PPIL1: variants seen among roughly 807,000 people sequenced by gnomAD.
PPIL1 encodes the protein peptidylprolyl isomerase like 1, also known as peptidyl-prolyl cis-trans isomerase-like 1.
In PPIL1, 14 loss-of-function variants were observed where a neutral mutation model predicts 19.4. That is an observed-to-expected ratio of 0.72 (90% CI 0.48 to 1.13). PPIL1 has a LOEUF of 1.13. PPIL1 is among the 50% of genes most tolerant of loss of function. PPIL1 has a pLI of 0.00. For missense variants in PPIL1, 192 were observed against 218.0 expected (o/e 0.88, Z 0.75); for synonymous variants, 72 against 73.6 (o/e 0.98, Z 0.11).
intron 2 of PPIL1, among the ~76,000 whole-genome samples, chr6:36,871,020 G>A (rs1016671917): frequency 9.2e-5 from 14 of 152,148 alleles, no homozygotes; most frequent in Admixed American, 9.2e-4. Context: ...ATAAAACCCA[G>A]TCTCTACCAT....
At chr6:36,862,710 T>C (rs1774315343) in intron 2 of PPIL1, among the ~76,000 whole-genome samples, 1 of 152,212 alleles carries the variant, frequency 6.6e-6, no homozygotes, top group Non-Finnish European at 1.5e-5. Context: ...TCTGGGCTGG[T>C]GAAGAGATGA....
intron 1 of PPIL1, among the ~76,000 whole-genome samples, chr6:36,873,097 C>G (rs78795980): frequency 0.062 from 9,456 of 152,306 alleles, 362 homozygotes; most frequent in Middle Eastern, 0.15. Flanking sequence ...GTGTGGTACT[C>G]TTTCCCTCAT....
At position 36,855,078 on chromosome 6, in the gene PPIL1, T is replaced by C. The variant is rs536865478; in HGVS notation, c.*735A>G. 2.7e-4 allele frequency: 41 copies of C among 152,904 alleles called. No homozygotes were observed. The highest frequency in any genetic ancestry group is 9.9e-4 in the African/African-American group (41 of 41,562). 9.5% of individuals were successfully genotyped at this position (152,904 alleles called of 1,614,324 possible). On this transcript the variant is annotated 3_prime_UTR_variant, in exon 4 of 4. Coordinates refer to ENST00000373699, the MANE Select transcript of PPIL1 (RefSeq NM_016059.5). ...GTCTGTCCTTTGCTCACTACAGATT[T>C]CTCCTCTTCTCTGGGAAAAAATGGT...
At position 36,874,765 on chromosome 6, in the gene PPIL1, G is replaced by T. The variant is rs201439954; in HGVS notation, c.8C>A (p.Ala3Glu). ...TGGCTGCCAGGAATCTGGGGGAATTGCCGCCATAGCGAAGCCGGCGGCGGA... is the reference window on the plus strand; with the variant it reads ...TGGCTGCCAGGAATCTGGGGGAATTTCCGCCATAGCGAAGCCGGCGGCGGA... Reference protein sequence around the residue: MAAIPPDSWQPPN... With the variant: MAEIPPDSWQPPN... Residue 3 changes from alanine to glutamate, a missense_variant, in exon 1 of 4, where the codon GCA (alanine) becomes GAA (glutamate). Transcript: ENST00000373699. The T allele has an allele frequency of 6.2e-7, 1 of 1,614,076 alleles. No individual in the cohort carries two copies. Among genetic ancestry groups the T allele is most frequent in the Non-Finnish European group, 8.5e-7 (1 of 1,179,968 alleles).
intron 1 of PPIL1, among the ~76,000 whole-genome samples, chr6:36,873,478 G>A (rs1774563545): frequency 6.6e-6 from 1 of 152,098 alleles, no homozygotes; most frequent in African/African-American, 2.4e-5. Flanking sequence ...CATGAGAGAG[G>A]TTTATATGTA....
chr6:36,856,485 G>A, intron 3 of PPIL1, 101 bp downstream of exon 3: 1 of 1,075,930 alleles, frequency 9.3e-7, no homozygotes, highest in Non-Finnish European at 1.4e-6. Context: ...CAGCTATCTG[G>A]CACCATGCCA....
chr6:36,873,431 A>G (rs1383923205), intron 1 of PPIL1, among the ~76,000 whole-genome samples: 1 of 152,218 alleles, frequency 6.6e-6, no homozygotes, highest in African/African-American at 2.4e-5. Context: ...ACATACATAC[A>G]GTATGATCAT....
intron 2 of PPIL1, among the ~76,000 whole-genome samples, chr6:36,868,845 A>AAAC (rs373148463): frequency 0.083 from 12,631 of 151,974 alleles, 535 homozygotes; most frequent in South Asian, 0.097. Flanking sequence ...CTGTCTCCAA[A>AAAC]AACAACAACA....
intron 2 of PPIL1, among the ~76,000 whole-genome samples, chr6:36,866,747 G>C (rs779246014): frequency 2.0e-5 from 3 of 152,088 alleles, no homozygotes; most frequent in Non-Finnish European, 2.9e-5. Context: ...ACAACATGAG[G>C]GGGAGAGAGG....
chr6:36,863,441 A>G (rs1245579768), intron 2 of PPIL1, among the ~76,000 whole-genome samples: 2 of 151,932 alleles, frequency 1.3e-5, no homozygotes, highest in Non-Finnish European at 2.9e-5. Context: ...CTATCCTACC[A>G]CCACGTACCC....
chr6:36,864,666 T>A (rs1457102694), intron 2 of PPIL1, among the ~76,000 whole-genome samples: 1 of 152,256 alleles, frequency 6.6e-6, no homozygotes, highest in Admixed American at 6.5e-5. Context: ...TCTATCAGTA[T>A]CAAGCAGTTA....
intron 1 of PPIL1, among the ~76,000 whole-genome samples, chr6:36,874,010 G>A (rs1337954456): frequency 6.6e-6 from 1 of 152,196 alleles, no homozygotes; most frequent in Non-Finnish European, 1.5e-5. Context: ...AATGAATAGA[G>A]CTAAAGGATC....
intron 2 of PPIL1, among the ~76,000 whole-genome samples, chr6:36,858,231 C>CA (rs55719434): frequency 0.069 from 4,678 of 68,010 alleles, 314 homozygotes; most frequent in Middle Eastern, 0.091. Flanking sequence ...AAGACTGTCT[C>CA]AAAAAAAAAA....
chr6:36,863,882 T>C (rs1018901816), intron 2 of PPIL1, among the ~76,000 whole-genome samples: 1 of 151,744 alleles, frequency 6.6e-6, no homozygotes, highest in African/African-American at 2.4e-5. Context: ...TCTCCTGGTG[T>C]TCCTCGCTGC....
intron 2 of PPIL1, among the ~76,000 whole-genome samples, chr6:36,866,979 C>T (rs543110299): frequency 3.7e-4 from 56 of 152,238 alleles, no homozygotes; most frequent in African/African-American, 1.2e-3. Context: ...CCAATGGTGG[C>T]GGAGAACCAC....
rs1335815647 is a variant in PPIL1, at chr6:36,874,727, A to G, written c.46T>C (p.Leu16=). 2 of 1,614,042 alleles carry G rather than the reference A, an allele frequency of 1.2e-6. No homozygotes were observed. Among genetic ancestry groups the G allele is most frequent in the African/African-American group, 1.3e-5 (1 of 74,948 alleles). The part of the protein sequence containing the change: ...PDSWQPPNVY[L]ETSMGIIVLE... ...CCCGAACCCCCTCACCTGGTCTCCAAGTAAACGTTGGGTGGCTGCCAGGAA... is the reference window on the plus strand; with the variant it reads ...CCCGAACCCCCTCACCTGGTCTCCAGGTAAACGTTGGGTGGCTGCCAGGAA... Residue 16 remains leucine, a synonymous_variant, in exon 1 of 4, where the codon TTG becomes CTG. Coordinates refer to ENST00000373699, the MANE Select transcript of PPIL1 (RefSeq NM_016059.5).
intron 2 of PPIL1, among the ~76,000 whole-genome samples, chr6:36,858,093 G>C (rs1463103139): frequency 6.6e-6 from 1 of 151,364 alleles, no homozygotes; most frequent in East Asian, 2.0e-4. Context: ...AATTAGCCAG[G>C]CATGGTGGCA....
Position 36,854,901 on chromosome 6 carries a change from G to A in PPIL1, c.*912C>T, listed in dbSNP as rs548081317. The A allele has an allele frequency of 2.6e-5, 4 of 152,732 alleles. No homozygotes were observed. In the East Asian group the frequency reaches 7.7e-4, roughly 29 times the overall value. The allele number at this position is 152,732 out of a possible 1,614,324, so 9.5% of individuals were successfully genotyped here. ...TAGGTATTAACTTCCTTCCTCTCCT[G>A]CTCCTCCCCACAAAATCCAGAAAGT... On this transcript the variant is annotated 3_prime_UTR_variant, in exon 4 of 4. Coordinates refer to ENST00000373699, the MANE Select transcript of PPIL1 (RefSeq NM_016059.5).
chr6:36,871,987 T>C lies in PPIL1; in HGVS notation c.57-115A>G, dbSNP rs569356508. 2.0e-5 allele frequency: 19 copies of C among 973,044 alleles called. No homozygotes were observed. The East Asian group carries it at 3.5e-4, about 18-fold the overall frequency. 60.3% of individuals were successfully genotyped at this position (973,044 alleles called of 1,614,324 possible). A position where few individuals can be genotyped will look rare whatever the true frequency, so the allele number is the denominator to read the frequency against. ...AAGCTTGTAAGTCATGAAATTGTGA[T>C]AACCACTGGATTTCATGCTCAGCAA... On this transcript the variant is annotated intron_variant, in intron 1 of 3. Coordinates refer to ENST00000373699, the MANE Select transcript of PPIL1 (RefSeq NM_016059.5).
Sources: gnomAD v4.1 joint callset for allele counts (sites outside exome capture counted in the v4.1 genomes callset) on GRCh38, gnomAD v4.1.1 for gene constraint, MANE v1.5 for transcripts, NCBI Gene and HGNC (gene_info 2026-07-23, HGNC 2026-07-21) for gene names.